The following FGF13 variants were observed in gnomAD, a reference collection of about 807,000 sequenced individuals.
FGF13 encodes fibroblast growth factor homologous factor 2.
Under a neutral mutation model 19.5 loss-of-function variants are expected in FGF13, and 2 were observed. That is an observed-to-expected ratio of 0.10 (90% CI 0.04 to 0.32). The LOEUF (loss-of-function observed/expected upper bound fraction) is 0.32. FGF13 is among the 10% of genes least tolerant of loss of function. FGF13 has a pLI of 1.00. For synonymous variants in FGF13, 72 were observed against 76.9 expected, an observed-to-expected ratio of 0.94 and a Z score of 0.33; for missense variants, 113 against 192.7, an observed-to-expected ratio of 0.59 and a Z score of 2.45.
At chrX:138,764,552 T>G (rs2090490754) in intron 3 of FGF13, among the ~76,000 whole-genome samples, 1 of 112,516 alleles carries the variant, frequency 8.9e-6, no homozygotes, top group Non-Finnish European at 1.9e-5. Flanking sequence ...GAAGACTGTT[T>G]CATGATACAT....
intron 3 of FGF13, among the ~76,000 whole-genome samples, chrX:138,694,612 G>A (rs1173669533): frequency 1.9e-5 from 2 of 106,400 alleles, no homozygotes; most frequent in East Asian, 5.9e-4. Flanking sequence ...CACCAAGCCC[G>A]GCTAATTTTT....
intron 1 of FGF13, among the ~76,000 whole-genome samples, chrX:138,977,370 T>C (rs1315509119): frequency 8.9e-6 from 1 of 112,170 alleles, no homozygotes; most frequent in Non-Finnish European, 1.9e-5. Context: ...TAGTGGGAGC[T>C]TTTGCCATCA....
intron 3 of FGF13, among the ~76,000 whole-genome samples, chrX:138,682,802 C>G (rs1478256964): frequency 5.4e-5 from 6 of 111,899 alleles, no homozygotes; most frequent in African/African-American, 1.6e-4. Flanking sequence ...AAAATGTCAG[C>G]AAGCTTATAT....
At chrX:138,745,306 C>T (rs767121342) in intron 3 of FGF13, among the ~76,000 whole-genome samples, 8 of 111,884 alleles carry the variant, frequency 7.2e-5, no homozygotes, top group Non-Finnish European at 1.3e-4. Flanking sequence ...TTTCTGGCAA[C>T]GGTGGAGAGT....
At chrX:138,946,254 A>G (rs1002827046) in intron 1 of FGF13, among the ~76,000 whole-genome samples, 1 of 111,955 alleles carries the variant, frequency 8.9e-6, no homozygotes, top group African/African-American at 3.2e-5. Context: ...TAGGAAGTAC[A>G]AGCAGCAGGA....
chrX:139,000,325 G>A (rs983461227), intron 1 of FGF13, among the ~76,000 whole-genome samples: 1 of 111,856 alleles, frequency 8.9e-6, no homozygotes, highest in Non-Finnish European at 1.9e-5. Context: ...AGTATTGTAA[G>A]TTCTGGTCAG....
At chrX:139,029,816 A>G (rs1335425949) in intron 1 of FGF13, among the ~76,000 whole-genome samples, 1 of 111,728 alleles carries the variant, frequency 9.0e-6, no homozygotes, top group African/African-American at 3.2e-5. Context: ...TGAAGTCAAG[A>G]TCTCAGACTG....
chrX:138,725,324 A>T (rs1352614875), intron 1 of FGF13, among the ~76,000 whole-genome samples: 1 of 111,204 alleles, frequency 9.0e-6, no homozygotes, highest in Non-Finnish European at 1.9e-5. Context: ...GACCATCTTG[A>T]GTACACGAAT....
intron 1 of FGF13, among the ~76,000 whole-genome samples, chrX:138,971,812 A>C (rs1036418856): frequency 1.7e-4 from 19 of 111,596 alleles, no homozygotes; most frequent in African/African-American, 6.2e-4. Flanking sequence ...ACATTTTATT[A>C]CTTCTAACTG....
At position 138,635,448 on chromosome X, in the gene FGF13, C is replaced by A; in HGVS notation, c.601+9G>T. ...GCATAATCCATAGTTCCCACAATATCAAATGTACCTTTCAGTGGTTTAGGC... is the reference window on the plus strand; with the variant it reads ...GCATAATCCATAGTTCCCACAATATAAAATGTACCTTTCAGTGGTTTAGGC... On this transcript the variant is annotated intron_variant, in intron 4 of 4. Coordinates refer to ENST00000315930, the MANE Select transcript of FGF13 (RefSeq NM_004114.5). 1 of 1,201,458 alleles carries A rather than the reference C, an allele frequency of 8.3e-7. No homozygotes were observed. The highest frequency in any genetic ancestry group is 1.1e-6 in the Non-Finnish European group (1 of 886,309).
rs762343341 is a variant in FGF13 at position 138,628,636 on chromosome X, T to G, written c.*4214A>C. On this transcript the variant is annotated 3_prime_UTR_variant, in exon 5 of 5. Coordinates refer to ENST00000315930, the MANE Select transcript of FGF13 (RefSeq NM_004114.5). The stretch of plus-strand genomic sequence containing the variant: ...TCAGTTCTGATCCCACCACCCCTTA[T>G]CCACAGCATAGTTATGGTCAGCTGA... The G allele has an allele frequency of 8.9e-6, 1 of 112,514 alleles. No homozygotes were observed. Among genetic ancestry groups the G allele is most frequent in the Admixed American group, 9.4e-5 (1 of 10,643 alleles). The allele number at this position is 112,514 out of a possible 1,213,427, so 9.3% of individuals were successfully genotyped here.
intron 1 of FGF13, among the ~76,000 whole-genome samples, chrX:139,019,188 C>G (rs1003064421): frequency 1.3e-4 from 15 of 111,833 alleles, no homozygotes; most frequent in African/African-American, 4.2e-4. Context: ...GTGGTGGAGC[C>G]AGGATATAAA....
chrX:138,635,716 C>G, intron 3 of FGF13, 61 bp from the exon 4 acceptor site: 2 of 935,457 alleles, frequency 2.1e-6, no homozygotes, highest in Non-Finnish European at 3.0e-6. Flanking sequence ...CCTGTAGAAT[C>G]ATGTGGTATT....
At chrX:139,173,197 T>C (rs1332984819) in intron 1 of FGF13, among the ~76,000 whole-genome samples, 1 of 111,043 alleles carries the variant, frequency 9.0e-6, no homozygotes, top group African/African-American at 3.3e-5. Flanking sequence ...AGAGGCAATA[T>C]GGTGTGCTAC....
intron 3 of FGF13, among the ~76,000 whole-genome samples, chrX:138,778,439 T>C (rs1227772206): frequency 9.0e-6 from 1 of 111,479 alleles, no homozygotes; most frequent in Non-Finnish European, 1.9e-5. Context: ...AGAAAGTGGG[T>C]GCAGGACAGT....
At chrX:138,776,580 T>C (rs944412967) in intron 3 of FGF13, among the ~76,000 whole-genome samples, 4 of 112,267 alleles carry the variant, frequency 3.6e-5, no homozygotes, top group African/African-American at 1.3e-4. Context: ...ACCAAAAATG[T>C]AAAACATCGA....
intron 1 of FGF13, among the ~76,000 whole-genome samples, chrX:138,892,518 G>T (rs2091483007): frequency 8.9e-6 from 1 of 111,747 alleles, no homozygotes. Context: ...CTGTGTCAAT[G>T]AAGGTTTTTT....
intron 2 of FGF13, chrX:138,857,767 C>T (rs1405433973): frequency 2.5e-6 from 2 of 799,276 alleles, no homozygotes; most frequent in East Asian, 7.6e-5. Context: ...CCAGGGAAGA[C>T]TAAAGAAACA....
chrX:139,003,094 C>T (rs1000388888), intron 1 of FGF13, among the ~76,000 whole-genome samples: 4 of 111,993 alleles, frequency 3.6e-5, no homozygotes, highest in Admixed American at 9.4e-5. Flanking sequence ...AATGAAGCCG[C>T]GGACCCTCGC....
Sources: gnomAD v4.1 joint callset for allele counts (sites outside exome capture counted in the v4.1 genomes callset) on GRCh38, gnomAD v4.1.1 for gene constraint, MANE v1.5 for transcripts, NCBI Gene and HGNC (gene_info 2026-07-23, HGNC 2026-07-21) for gene names.